Variants in HCN1 observed in about 807,000 individuals in gnomAD.
HCN1 encodes potassium/sodium hyperpolarization-activated cyclic nucleotide-gated channel 1.
HCN1 carries 13 observed loss-of-function variants against 78.9 expected under a neutral mutation model. The observed-to-expected ratio is 0.16, with a 90% CI of 0.11 to 0.26. HCN1 has a LOEUF of 0.26. Among genes scored for constraint, HCN1 ranks in the 10% least tolerant of loss-of-function variants. The pLI is 1.00. For synonymous variants in HCN1, 552 were observed against 455.5 expected (o/e 1.21, Z -2.70); for missense variants, 810 against 1,154.3 (o/e 0.70, Z 4.32).
chr5:45,567,412 A>C (rs181257190), intron 2 of HCN1, among the ~76,000 whole-genome samples: 1 of 152,240 alleles, frequency 6.6e-6, no homozygotes, highest in Admixed American at 6.5e-5. Flanking sequence ...TATCCATAAA[A>C]AAGGAAGGAG....
At chr5:45,362,445 C>A (rs540242271) in intron 4 of HCN1, among the ~76,000 whole-genome samples, 6 of 152,004 alleles carry the variant, frequency 3.9e-5, no homozygotes, top group Non-Finnish European at 5.9e-5. Context: ...AAAGAGAAAT[C>A]TATTTTTTCT....
intron 6 of HCN1, among the ~76,000 whole-genome samples, chr5:45,296,212 A>G (rs987020343): frequency 2.6e-5 from 4 of 152,012 alleles, no homozygotes; most frequent in Admixed American, 2.6e-4. Context: ...TCATTTTTAC[A>G]TGGAACATTT....
At chr5:45,267,388 C>A (rs1744878917) in intron 6 of HCN1, 135 bp from the exon 7 acceptor site, 1 of 671,056 alleles carries the variant, frequency 1.5e-6, no homozygotes, top group Non-Finnish European at 2.5e-6. Flanking sequence ...ATTATATCAG[C>A]AAATTCCTTC....
At chr5:45,695,584 C>G in intron 1 of HCN1, 85 bp downstream of exon 1, 2 of 1,392,134 alleles carry the variant, frequency 1.4e-6, no homozygotes, top group Non-Finnish European at 2.0e-6. Flanking sequence ...CTCCTAGTCC[C>G]CGGGACGCCC....
intron 2 of HCN1, among the ~76,000 whole-genome samples, chr5:45,583,541 T>A (rs1371516648): frequency 3.3e-5 from 5 of 152,196 alleles, no homozygotes; most frequent in African/African-American, 1.2e-4. Flanking sequence ...TCTGCTATGA[T>A]CTTAGTTATT....
rs370663169 is a variant in HCN1 at position 45,582,949 on chromosome 5, G to A, written c.849+62236C>T. 8.6e-5 allele frequency among the ~76,000 whole-genome samples: 13 copies of A among 151,322 alleles called. 1 individual carries two copies. The highest frequency in any genetic ancestry group is 2.0e-4 in the East Asian group (1 of 5,110). On this transcript the variant is annotated intron_variant, in intron 2 of 7. Transcript: ENST00000303230. ...GTATTTTATTGAGGATTTTGGCTTCGATGTTCATCAAGGATATTGGTCTAA... is the reference window on the plus strand; with the variant it reads ...GTATTTTATTGAGGATTTTGGCTTCAATGTTCATCAAGGATATTGGTCTAA...
At chr5:45,599,576 C>G (rs931290480) in intron 2 of HCN1, among the ~76,000 whole-genome samples, 2 of 152,050 alleles carry the variant, frequency 1.3e-5, no homozygotes, top group Non-Finnish European at 2.9e-5. Context: ...ATAAAAACTG[C>G]TGAGGCTACC....
At chr5:45,551,382 T>A (rs569277924) in intron 2 of HCN1, among the ~76,000 whole-genome samples, 1 of 142,856 alleles carries the variant, frequency 7.0e-6, no homozygotes, top group Non-Finnish European at 1.5e-5. Flanking sequence ...TCTCCCAACC[T>A]TTTTTTTTTT....
intron 6 of HCN1, among the ~76,000 whole-genome samples, chr5:45,286,080 TTC>T (rs1579779942): frequency 6.6e-6 from 1 of 151,994 alleles, no homozygotes. Flanking sequence ...ATTTAGATAA[TTC>T]TGTTTCTCAT....
At chr5:45,353,746 C>T (rs1176761019) in intron 4 of HCN1, among the ~76,000 whole-genome samples, 1 of 151,916 alleles carries the variant, frequency 6.6e-6, no homozygotes, top group Non-Finnish European at 1.5e-5. Flanking sequence ...GCAGATCATT[C>T]ATACTTCAAC....
chr5:45,392,662 C>A (rs1262161789), intron 4 of HCN1, among the ~76,000 whole-genome samples: 2 of 151,876 alleles, frequency 1.3e-5, no homozygotes, highest in Admixed American at 6.6e-5. Flanking sequence ...CATGGTGAAA[C>A]CCTGCCTCTA....
In HCN1 at chr5:45,561,802, G is replaced by A. The variant is rs561978824; in HGVS notation, c.849+83383C>T. 1.7e-4 allele frequency among the ~76,000 whole-genome samples: 26 copies of A among 152,242 alleles called. 1 individual carries two copies. The East Asian group carries it at 4.8e-3, about 28-fold the overall frequency. On this transcript the variant is annotated intron_variant, in intron 2 of 7. Coordinates refer to ENST00000303230, the MANE Select transcript of HCN1 (RefSeq NM_021072.4). ...CAGATTGAGTTCAATCACATGTCCG[G>A]TGATTAATCATACTTACTTAACAAA...
chr5:45,569,544 T>G (rs1291770370), intron 2 of HCN1, among the ~76,000 whole-genome samples: 2 of 152,060 alleles, frequency 1.3e-5, no homozygotes, highest in African/African-American at 4.8e-5. Context: ...TAGAGTTCTA[T>G]TTAATTAATT....
chr5:45,563,278 C>T (rs1465421716), intron 2 of HCN1, among the ~76,000 whole-genome samples: 4 of 151,874 alleles, frequency 2.6e-5, no homozygotes, highest in African/African-American at 7.3e-5. Context: ...GGTGAAAACC[C>T]GTCTCCACTA....
intron 7 of HCN1, 98 bp from the exon 8 acceptor site, chr5:45,262,908 T>C (rs1236285463): frequency 7.5e-7 from 1 of 1,340,076 alleles, no homozygotes; most frequent in East Asian, 2.4e-5. Flanking sequence ...ATAGCTGTGC[T>C]TCACAGGAGA....
chr5:45,535,671 C>T (rs542740779), intron 2 of HCN1, among the ~76,000 whole-genome samples: 28 of 152,112 alleles, frequency 1.8e-4, no homozygotes, highest in African/African-American at 6.0e-4. Context: ...GCAAATATAA[C>T]TCAATAAGTC....
intron 1 of HCN1, among the ~76,000 whole-genome samples, chr5:45,679,643 G>T (rs547908179): frequency 6.6e-6 from 1 of 152,018 alleles, no homozygotes; most frequent in Non-Finnish European, 1.5e-5. Flanking sequence ...TATTGATTAT[G>T]AAAGAATTTA....
intron 1 of HCN1, among the ~76,000 whole-genome samples, chr5:45,657,794 T>C (rs911883138): frequency 6.6e-6 from 1 of 152,072 alleles, no homozygotes; most frequent in South Asian, 2.1e-4. Flanking sequence ...AGAATCAATA[T>C]CATGAAAATG....
intron 6 of HCN1, among the ~76,000 whole-genome samples, chr5:45,280,337 A>G (rs1350865833): frequency 2.0e-5 from 3 of 152,194 alleles, no homozygotes; most frequent in East Asian, 3.8e-4. Flanking sequence ...GAAGAAAAAC[A>G]AAATAAATGC....
Sources: gnomAD v4.1 joint callset for allele counts (sites outside exome capture counted in the v4.1 genomes callset) on GRCh38, gnomAD v4.1.1 for gene constraint, MANE v1.5 for transcripts, NCBI Gene and HGNC (gene_info 2026-07-23, HGNC 2026-07-21) for gene names.